PCDHA1: variants seen among roughly 807,000 people sequenced by gnomAD.
PCDHA1 encodes the protein protocadherin alpha 1.
Under a neutral mutation model 61.3 loss-of-function variants are expected in PCDHA1, and 42 were observed. That is an observed-to-expected ratio of 0.69 (90% CI 0.54 to 0.89). The LOEUF is 0.89. PCDHA1 is among the 40% of genes least tolerant of loss of function. The pLI is 0.00. For missense variants in PCDHA1, 1,256 were observed against 1,235.3 expected (o/e 1.02, Z -0.25); for synonymous variants, 610 against 553.8 (o/e 1.10, Z -1.43).
chr5:140,850,503 G>C (rs2041643123), intron 1 of PCDHA1: 1 of 1,598,290 alleles, frequency 6.3e-7, no homozygotes, highest in Non-Finnish European at 8.6e-7. Flanking sequence ...GGTGTCGCTG[G>C]TGGAGAGCGG....
intron 3 of PCDHA1, among the ~76,000 whole-genome samples, chr5:140,992,803 G>A (rs2097529196): frequency 6.6e-6 from 1 of 152,146 alleles, no homozygotes; most frequent in African/African-American, 2.4e-5. Context: ...GGATCCATAT[G>A]TATCTAAGGA....
intron 1 of PCDHA1, chr5:140,870,703 G>A (rs899824906): frequency 1.2e-6 from 2 of 1,612,916 alleles, no homozygotes; most frequent in East Asian, 2.2e-5. Context: ...ACAGTTCCAG[G>A]TGAGCGCGCG....
chr5:140,957,826 G>A (rs1282608668), intron 1 of PCDHA1, among the ~76,000 whole-genome samples: 3 of 151,106 alleles, frequency 2.0e-5, no homozygotes, highest in East Asian at 3.9e-4. Flanking sequence ...TTAAGAGAAA[G>A]TGTTAATTGA....
At chr5:140,930,993 C>T (rs1275430453) in intron 1 of PCDHA1, among the ~76,000 whole-genome samples, 1 of 152,140 alleles carries the variant, frequency 6.6e-6, no homozygotes, top group African/African-American at 2.4e-5. Flanking sequence ...TCATGACCTA[C>T]ACTAATAACA....
At chr5:140,919,658 T>G (rs1271844986) in intron 1 of PCDHA1, among the ~76,000 whole-genome samples, 1 of 152,230 alleles carries the variant, frequency 6.6e-6, no homozygotes, top group South Asian at 2.1e-4. Context: ...GTTTACCATA[T>G]ATATTTTAGC....
chr5:140,835,753 A>G, intron 1 of PCDHA1: 1 of 1,613,416 alleles, frequency 6.2e-7, no homozygotes, highest in Non-Finnish European at 8.5e-7. Context: ...GCGTTCGCGC[A>G]GCCCGAGTAT....
chr5:140,849,243 A>G, intron 1 of PCDHA1: 1 of 1,073,288 alleles, frequency 9.3e-7, no homozygotes, highest in Non-Finnish European at 1.3e-6. Context: ...GTATACGGTG[A>G]AATTACCAGA....
rs782072957 is a variant in PCDHA1, at chr5:140,870,352, G to T, written c.2394+81668G>T. On this transcript the variant is annotated intron_variant, in intron 1 of 3. Coordinates refer to ENST00000504120, the MANE Select transcript of PCDHA1 (RefSeq NM_018900.4). ...GGACAGCGCCCTGGACCGCGAGAAC[G>T]TGTGGGCCTATGAACTGGTGGTGAC... 9.9e-6 allele frequency: 16 copies of T among 1,614,226 alleles called. No individual in the cohort carries two copies. The South Asian group carries it at 1.3e-4, about 13-fold the overall frequency.
chr5:140,965,193 A>G (rs1232668450), intron 1 of PCDHA1, among the ~76,000 whole-genome samples: 1 of 152,252 alleles, frequency 6.6e-6, no homozygotes, highest in East Asian at 1.9e-4. Flanking sequence ...CACATGAGGC[A>G]ATAGATTTCA....
chr5:140,989,235 T>G (rs1408596966), intron 3 of PCDHA1, among the ~76,000 whole-genome samples: 1 of 152,204 alleles, frequency 6.6e-6, no homozygotes, highest in Non-Finnish European at 1.5e-5. Context: ...AGCTGAAGTT[T>G]TAAGCCCCTT....
At chr5:140,978,455 G>A (rs782473387) in intron 1 of PCDHA1, among the ~76,000 whole-genome samples, 21 of 152,302 alleles carry the variant, frequency 1.4e-4, no homozygotes, top group Non-Finnish European at 2.8e-4. Context: ...GGGCACATCC[G>A]CCCTGGGTCA....
chr5:140,900,534 T>C (rs1583392378), intron 1 of PCDHA1, among the ~76,000 whole-genome samples: 1 of 152,202 alleles, frequency 6.6e-6, no homozygotes, highest in Admixed American at 6.5e-5. Context: ...ACCTCGGCTT[T>C]CCAAAGTGCT....
chr5:140,838,048 T>C (rs2150282341), intron 1 of PCDHA1, among the ~76,000 whole-genome samples: 3 of 151,048 alleles, frequency 2.0e-5, no homozygotes, highest in African/African-American at 7.3e-5. Flanking sequence ...CTGCACTTTT[T>C]GGTTTTCCAC....
Position 140,786,553 on chromosome 5 carries a change from C to T in PCDHA1, c.263C>T (p.Ser88Phe). The T allele has an allele frequency of 6.2e-7, 1 of 1,614,250 alleles. No homozygotes were observed. The highest frequency in any genetic ancestry group is 8.5e-7 in the Non-Finnish European group (1 of 1,180,054). The change falls in exon 1 of 4, where the codon TCT becomes TTT. Residue 88 changes from serine to phenylalanine, a missense_variant. By Grantham distance (155) the Ser-to-Phe change is radical (BLOSUM62 -2). Transcript: ENST00000504120. Reference sequence around the variant, plus strand: ...CAGAATGGCATTTTGTTTGTGAATTCTCGGATCGATCGCGAGGAGCTGTGC... The same window carrying T: ...CAGAATGGCATTTTGTTTGTGAATTTTCGGATCGATCGCGAGGAGCTGTGC... ...NLQNGILFVNSRIDREELCQW... is the reference protein window; with the variant it reads ...NLQNGILFVNFRIDREELCQW...
chr5:140,862,777 C>T, intron 1 of PCDHA1: 1 of 577,324 alleles, frequency 1.7e-6, no homozygotes, highest in Non-Finnish European at 3.3e-6. Context: ...CGCGTTGCAG[C>T]CACTGGACTA....
chr5:140,948,937 T>C (rs1309849094), intron 1 of PCDHA1, among the ~76,000 whole-genome samples: 1 of 134,978 alleles, frequency 7.4e-6, no homozygotes, highest in African/African-American at 2.6e-5. Context: ...ACATTTCTTC[T>C]AATATAAAAA....
At chr5:140,876,483 G>C in intron 1 of PCDHA1, 1 of 1,614,004 alleles carries the variant, frequency 6.2e-7, no homozygotes, top group Non-Finnish European at 8.5e-7. Context: ...GCATGGTCCT[G>C]GTGGAAGTTC....
At chr5:140,894,365 A>G (rs1375287003) in intron 1 of PCDHA1, among the ~76,000 whole-genome samples, 4 of 151,966 alleles carry the variant, frequency 2.6e-5, no homozygotes, top group African/African-American at 7.2e-5. Context: ...TTCTTCTTCA[A>G]TGGCTCCAAT....
At chr5:140,835,561 T>C (rs1304711365) in intron 1 of PCDHA1, 2 of 1,613,924 alleles carry the variant, frequency 1.2e-6, no homozygotes, top group Non-Finnish European at 1.7e-6. Flanking sequence ...ACGCCCCGCG[T>C]TCCCTTCAAG....
Sources: gnomAD v4.1 joint callset for allele counts (sites outside exome capture counted in the v4.1 genomes callset) on GRCh38, gnomAD v4.1.1 for gene constraint, MANE v1.5 for transcripts, NCBI Gene and HGNC (gene_info 2026-07-23, HGNC 2026-07-21) for gene names.